STK35: variants seen among roughly 807,000 people sequenced by gnomAD.
STK35 encodes the protein serine/threonine-protein kinase 35.
In STK35, 17 loss-of-function variants were observed where a neutral mutation model predicts 37.3. The ratio of observed to expected loss-of-function variants is 0.46; its 90% CI spans 0.31 to 0.68. The LOEUF (loss-of-function observed/expected upper bound fraction) is 0.68, where lower values mean the gene tolerates loss of function less well. Ranked by LOEUF, STK35 falls within the 30% of genes least tolerant of loss-of-function variation. The probability of loss-of-function intolerance (pLI) is 0.05; values close to 1 mark genes in which losing one functional copy is unlikely to be tolerated. For missense variants in STK35, 595 were observed against 746.7 expected, an observed-to-expected ratio of 0.80 and a Z score of 2.37; for synonymous variants, 385 against 319.1, an observed-to-expected ratio of 1.21 and a Z score of -2.20.
intron 3 of STK35, among the ~76,000 whole-genome samples, chr20:2,124,429 A>G (rs962746576): frequency 6.6e-6 from 1 of 152,116 alleles, no homozygotes. Flanking sequence ...GGAGCCTTGA[A>G]TTTCCCAAAG....
intron 3 of STK35, among the ~76,000 whole-genome samples, chr20:2,120,888 T>C (rs1985805228): frequency 6.6e-6 from 1 of 151,620 alleles, no homozygotes. Flanking sequence ...AGGGGAGATC[T>C]GAAGCTTGGG....
At chr20:2,130,526 T>G (rs1985981642) in intron 3 of STK35, among the ~76,000 whole-genome samples, 1 of 152,224 alleles carries the variant, frequency 6.6e-6, no homozygotes, top group Non-Finnish European at 1.5e-5. Flanking sequence ...TCTTGTCACA[T>G]GGGCAGCCTG....
At chr20:2,114,240 C>T (rs929459414) in intron 2 of STK35, among the ~76,000 whole-genome samples, 39 of 152,018 alleles carry the variant, frequency 2.6e-4, no homozygotes, top group Admixed American at 5.2e-4. Context: ...GCCTTTCCTG[C>T]GCAAAGAAGT....
At chr20:2,106,529 A>G (rs916615800) in intron 2 of STK35, among the ~76,000 whole-genome samples, 1 of 152,234 alleles carries the variant, frequency 6.6e-6, no homozygotes, top group African/African-American at 2.4e-5. Flanking sequence ...ATTCAAGATC[A>G]CTGGAGGAAA....
At chr20:2,102,679 C>CGGG in intron 1 of STK35, 89 bp from the exon 2 acceptor site, 2 of 1,216,414 alleles carry the variant, frequency 1.6e-6, no homozygotes, top group Non-Finnish European at 2.1e-6. Flanking sequence ...CCGCGGCGGC[C>CGGG]GGGGGAGGAG....
chr20:2,124,084 T>C (rs1985864513), intron 3 of STK35, among the ~76,000 whole-genome samples: 1 of 152,204 alleles, frequency 6.6e-6, no homozygotes, highest in African/African-American at 2.4e-5. Flanking sequence ...TTTAACCAGT[T>C]TGGTTTATTG....
chr20:2,130,906 G>A (rs963977535), intron 3 of STK35, among the ~76,000 whole-genome samples: 16 of 152,256 alleles, frequency 1.1e-4, no homozygotes, highest in Admixed American at 3.3e-4. Context: ...TAGAGGGCGT[G>A]GGTAGAGGTT....
chr20:2,145,419 G>A lies in STK35; in HGVS notation c.*1673G>A, dbSNP rs1986246163. 2 of 152,268 alleles carry A rather than the reference G, an allele frequency of 1.3e-5. No individual in the cohort carries two copies. Among genetic ancestry groups the A allele is most frequent in the Non-Finnish European group, 2.9e-5 (2 of 68,074 alleles). 9.4% of individuals were successfully genotyped at this position (152,268 alleles called of 1,614,324 possible). A position where few individuals can be genotyped will look rare whatever the true frequency, so the allele number is the denominator to read the frequency against. ...GGCATTTCCGTTTCTATGTGACCAA[G>A]GCAGCAGGGGCTTTTACCTGCTAAG... On this transcript the variant is annotated 3_prime_UTR_variant, in exon 4 of 4. Coordinates refer to ENST00000381482, the MANE Select transcript of STK35 (RefSeq NM_080836.4).
rs1430596432 is a variant in STK35, at chr20:2,117,555, G to A, written c.*37+140G>A. On this transcript the variant is annotated intron_variant, in intron 3 of 3. Coordinates refer to ENST00000381482, the MANE Select transcript of STK35 (RefSeq NM_080836.4). This position sits in a 1 kb window ranked among gnomAD's most constrained non-coding sequence, Gnocchi z 4.4. ...CACCTCCCGAGTTCAAGTGATTCTC[G>A]TGCCTCAGCCACCTGGGTAGCTGGG... 3 of 536,628 alleles carry A rather than the reference G, an allele frequency of 5.6e-6. No individual in the cohort carries two copies. The highest frequency in any genetic ancestry group is 9.7e-6 in the Non-Finnish European group (3 of 308,504). The allele number at this position is 536,628 out of a possible 1,614,324, so 33.2% of individuals were successfully genotyped here.
chr20:2,136,715 C>T (rs1195419239), intron 3 of STK35, among the ~76,000 whole-genome samples: 2 of 152,240 alleles, frequency 1.3e-5, no homozygotes, highest in Non-Finnish European at 2.9e-5. Context: ...TTCCTAAAAA[C>T]CCAGCACTGC....
At position 2,102,188 on chromosome 20, in the gene STK35, T is replaced by C; in HGVS notation, c.294+13T>C. 7.3e-7 allele frequency: 1 copy of C among 1,372,268 alleles called. No individual in the cohort carries two copies. Among genetic ancestry groups the C allele is most frequent in the Admixed American group, 3.3e-5 (1 of 30,078 alleles). The allele number at this position is 1,372,268 out of a possible 1,614,324, so 85.0% of individuals were successfully genotyped here. A position where few individuals can be genotyped will look rare whatever the true frequency, so the allele number is the denominator to read the frequency against. ...GTGCGCGGGCCAGGTAAGGGCGCCG[T>C]TGGAGGACTGAAGGCCAGCGCCGAG... On this transcript the variant is annotated intron_variant, in intron 1 of 3. Coordinates refer to ENST00000381482, the MANE Select transcript of STK35 (RefSeq NM_080836.4).
At chr20:2,119,014 A>G (rs1985769684) in intron 3 of STK35, among the ~76,000 whole-genome samples, 1 of 152,188 alleles carries the variant, frequency 6.6e-6, no homozygotes. Context: ...GCGACCCATA[A>G]CTGTATGTGC....
At chr20:2,141,222 G>C (rs1986167524) in intron 3 of STK35, among the ~76,000 whole-genome samples, 2 of 152,230 alleles carry the variant, frequency 1.3e-5, no homozygotes. Context: ...GATGGCTGCT[G>C]AATCATCAGG....
At chr20:2,105,780 G>A (rs1210140988) in intron 2 of STK35, among the ~76,000 whole-genome samples, 1 of 152,166 alleles carries the variant, frequency 6.6e-6, no homozygotes, top group Non-Finnish European at 1.5e-5. Flanking sequence ...TCTTGCTCAA[G>A]TTTCCCAAAC....
At chr20:2,136,933 G>T (rs1219869241) in intron 3 of STK35, among the ~76,000 whole-genome samples, 1 of 152,172 alleles carries the variant, frequency 6.6e-6, no homozygotes, top group African/African-American at 2.4e-5. Flanking sequence ...GTGTGGATGG[G>T]AACCCAAAGG....
chr20:2,135,878 G>A (rs959863011), intron 3 of STK35, among the ~76,000 whole-genome samples: 1 of 152,148 alleles, frequency 6.6e-6, no homozygotes, highest in Non-Finnish European at 1.5e-5. Flanking sequence ...GCATGCACCT[G>A]TGGTCCCTAC....
intron 3 of STK35, among the ~76,000 whole-genome samples, chr20:2,134,499 G>A (rs1390567128): frequency 6.6e-6 from 1 of 152,146 alleles, no homozygotes; most frequent in African/African-American, 2.4e-5. Flanking sequence ...GTTAGTTTTT[G>A]CCTTAATAAA....
At position 2,143,914 on chromosome 20, in the gene STK35, C is replaced by G. The variant is rs913074569; in HGVS notation, c.*168C>G. 4 of 440,658 alleles carry G rather than the reference C, an allele frequency of 9.1e-6. No individual in the cohort carries two copies. The highest frequency in any genetic ancestry group is 1.8e-5 in the Non-Finnish European group (4 of 222,880). The allele number at this position is 440,658 out of a possible 1,614,324, so 27.3% of individuals were successfully genotyped here. On this transcript the variant is annotated 3_prime_UTR_variant, in exon 4 of 4. Transcript: ENST00000381482. ...CAATGTGAAGCTTTTGTTTGGGTTT[C>G]CCCGCTTCTTTTTAGTTTTGCTTTA...
rs756947580 is a variant in STK35, at chr20:2,102,882, G to A, written c.409G>A (p.Gly137Arg). 2.6e-6 allele frequency: 4 copies of A among 1,566,848 alleles called. No individual in the cohort carries two copies. The East Asian group carries it at 7.3e-5, about 28-fold the overall frequency. ...CCCGCCGCCCGCAGCCATGGAAACG[G>A]GGAAGGACGGCGCCCGCAGAGGTAC... ...LPPPPAAMET[G>R]KDGARRGTQS... The change falls in exon 2 of 4, where the codon GGG (glycine) becomes AGG (arginine). Residue 137 changes from glycine to arginine, a missense_variant. Around this residue, in one of 3 missense-constraint regions of STK35, gnomAD observed 389 missense variants for 320.0 expected, o/e 1.22. Coordinates refer to ENST00000381482, the MANE Select transcript of STK35 (RefSeq NM_080836.4).
Sources: gnomAD v4.1 joint callset for allele counts (sites outside exome capture counted in the v4.1 genomes callset) on GRCh38, gnomAD v4.1.1 for gene constraint, gnomAD v4.1.1 regional missense constraint, Gnocchi (gnomAD v3.1) non-coding constraint, MANE v1.5 for transcripts, NCBI Gene and HGNC (gene_info 2026-07-23, HGNC 2026-07-21) for gene names.